Variants in DNAH17 observed in about 807,000 individuals in gnomAD.
DNAH17 encodes the protein dynein axonemal heavy chain 17.
In DNAH17, 376 loss-of-function variants were observed where a neutral mutation model predicts 485.6. The observed-to-expected ratio is 0.77, with a 90% CI of 0.71 to 0.84. The LOEUF is 0.84. Ranked by LOEUF, DNAH17 falls within the 40% of genes least tolerant of loss-of-function variation. The pLI, the probability that DNAH17 is intolerant of heterozygous loss-of-function variation, is 0.00. For synonymous variants in DNAH17, 3,031 were observed against 2,405.9 expected (o/e 1.26, Z -7.60); for missense variants, 6,370 against 5,839.3 (o/e 1.09, Z -2.96).
At chr17:78,446,474 T>C (rs754942664) in intron 69 of DNAH17, among the ~76,000 whole-genome samples, 4 of 152,150 alleles carry the variant, frequency 2.6e-5, no homozygotes, top group Non-Finnish European at 4.4e-5. Context: ...CTGAGGTTCA[T>C]CCATATTGTA....
chr17:78,482,973 C>G (rs2089416561), intron 48 of DNAH17, among the ~76,000 whole-genome samples: 1 of 152,168 alleles, frequency 6.6e-6, no homozygotes, highest in South Asian at 2.1e-4. Context: ...GTGTGCAACC[C>G]TTGGAAGGGG....
At position 78,492,627 on chromosome 17, in the gene DNAH17, C is replaced by T. The variant is rs775752999; in HGVS notation, c.6541+6G>A. The T allele has an allele frequency of 1.3e-5, 21 of 1,613,438 alleles. No individual in the cohort carries two copies. In the African/African-American group the frequency reaches 1.6e-4, roughly 12 times the overall value. ...CTGCAGCCTGTCCCGGGACCACCCT[C>T]GTTACCATCTTTCCATTCCCTGGTC... On this transcript the variant is annotated splice_donor_region_variant and intron_variant, in intron 42 of 80. Transcript: ENST00000389840.
In DNAH17 at chr17:78,526,703, C is replaced by A. The variant is rs61744544; in HGVS notation, c.3659G>T (p.Arg1220Leu). Residue 1220 changes from arginine to leucine, a missense_variant, in exon 24 of 81, where the codon CGC (arginine) becomes CTC (leucine). Coordinates refer to ENST00000389840, the MANE Select transcript of DNAH17 (RefSeq NM_173628.4). ...KQHEFRERFR[R>L]EAPFSFSDPN... ...GTCGCTGAAGGAGAACGGGGCCTCGCGCCTGAACCTCTCCCTGAACTCATG... is the reference window on the plus strand; with the variant it reads ...GTCGCTGAAGGAGAACGGGGCCTCGAGCCTGAACCTCTCCCTGAACTCATG... 1 of 1,610,236 alleles carries A rather than the reference C, an allele frequency of 6.2e-7. No homozygotes were observed. The highest frequency in any genetic ancestry group is 2.2e-5 in the East Asian group (1 of 44,768).
intron 57 of DNAH17, 112 bp from the exon 58 acceptor site, chr17:78,461,820 T>C: frequency 9.5e-7 from 1 of 1,047,164 alleles, no homozygotes; most frequent in East Asian, 2.7e-5. Flanking sequence ...GGCAGGGCCG[T>C]GTCTTACGAC....
Position 78,494,149 on chromosome 17 carries a change from G to C in DNAH17, c.6295C>G (p.Leu2099Val), listed in dbSNP as rs2089975388. The change falls in exon 41 of 81, where the codon CTC becomes GTC. Residue 2099 changes from leucine (L) to valine (V), a missense_variant. Coordinates refer to ENST00000389840, the MANE Select transcript of DNAH17 (RefSeq NM_173628.4). The part of the protein sequence containing the change: ...EKIIKQSIVE[L>V]KLQAEDSFVL... ...AAGCTGTCCTCCGCCTGCAGCTTGA[G>C]CTCCACGATGCTCTGCTTGATGATC... The C allele has an allele frequency of 6.2e-7, 1 of 1,612,276 alleles. No homozygotes were observed. The highest frequency in any genetic ancestry group is 8.5e-7 in the Non-Finnish European group (1 of 1,179,724).
rs1018611564 is a variant in DNAH17 at position 78,439,212 on chromosome 17, T to G, written c.11683A>C (p.Lys3895Gln). 6.2e-7 allele frequency: 1 copy of G among 1,601,724 alleles called. No individual in the cohort carries two copies. Among genetic ancestry groups the G allele is most frequent in the Admixed American group, 1.8e-5 (1 of 56,834 alleles). ...PLKDVEALGKKLGFTIDNGKL... is the reference protein window; with the variant it reads ...PLKDVEALGKQLGFTIDNGKL... ...CCATTGTCTATGGTAAACCCTAGTT[T>G]TTTTCCTAAAGAAAAGAAAAACAGG... The change falls in exon 73 of 81, where the codon AAA becomes CAA. Residue 3895 changes from lysine (K) to glutamine (Q), a missense_variant. Coordinates refer to ENST00000389840, the MANE Select transcript of DNAH17 (RefSeq NM_173628.4).
chr17:78,503,129 G>T, intron 31 of DNAH17, 118 bp from the exon 32 acceptor site: 1 of 1,149,086 alleles, frequency 8.7e-7, no homozygotes, highest in Non-Finnish European at 1.2e-6. Flanking sequence ...CCCAGGGGCA[G>T]ACAGGTCAAG....
At position 78,456,231 on chromosome 17, in the gene DNAH17, G is replaced by A. The variant is rs139748090; in HGVS notation, c.9978-395C>T. ...GGAGAATTGCTTGAACCCGGGAGGC[G>A]GAGGTTGCAGGGAGCCGAGATTGGG... On this transcript the variant is annotated intron_variant, in intron 62 of 80. Transcript: ENST00000389840. Among the ~76,000 whole-genome samples, 769 of 152,278 alleles carry A rather than the reference G, an allele frequency of 5.0e-3. 5 individuals are homozygous for A. Among genetic ancestry groups the A allele is most frequent in the African/African-American group, 0.018 (738 of 41,560 alleles).
At chr17:78,573,496 G>A (rs2092388795) in intron 2 of DNAH17, among the ~76,000 whole-genome samples, 1 of 151,928 alleles carries the variant, frequency 6.6e-6, no homozygotes, top group Non-Finnish European at 1.5e-5. Flanking sequence ...CTATTTGGGA[G>A]GCTGAGGCAA....
intron 71 of DNAH17, 68 bp from the exon 72 acceptor site, chr17:78,441,267 G>C: frequency 6.3e-7 from 1 of 1,575,028 alleles, no homozygotes; most frequent in South Asian, 1.2e-5. Context: ...GCTCGGGGTG[G>C]GCTGTGGCCC....
chr17:78,438,445 G>GGGAGGAGGA (rs1484565594), intron 73 of DNAH17, among the ~76,000 whole-genome samples: 1 of 7,596 alleles, frequency 1.3e-4, no homozygotes, highest in African/African-American at 4.7e-4. Context: ...AGGAGGAGGA[G>GGGAGGAGGA]GGAGGAGGGA....
chr17:78,466,534 G>A (rs1029061530), intron 56 of DNAH17, 121 bp downstream of exon 56: 17 of 888,592 alleles, frequency 1.9e-5, no homozygotes, highest in Middle Eastern at 3.2e-4. Context: ...TTGAGCCCAA[G>A]GCGGACGCCT....
At chr17:78,440,771 C>G (rs2087043508) in intron 72 of DNAH17, among the ~76,000 whole-genome samples, 1 of 152,220 alleles carries the variant, frequency 6.6e-6, no homozygotes, top group Admixed American at 6.5e-5. Context: ...ATTGCTGGCT[C>G]TTGTGCCAAT....
At position 78,564,897 on chromosome 17, in the gene DNAH17, C is replaced by T. The variant is rs150552884; in HGVS notation, c.1569+1717G>A. Among the ~76,000 whole-genome samples the T allele has an allele frequency of 2.0e-3, 299 of 151,838 alleles. 1 individual carries two copies. Among genetic ancestry groups the T allele is most frequent in the African/African-American group, 6.7e-3 (277 of 41,174 alleles). ...TTGAGTGGAAGGAAGGAAGTGAGGA[C>T]CCTGCAACTAGATGCAGCTACCTGG... On this transcript the variant is annotated intron_variant, in intron 11 of 80. Transcript: ENST00000389840.
chr17:78,554,555 G>C (rs2091980019), intron 14 of DNAH17, among the ~76,000 whole-genome samples: 1 of 137,998 alleles, frequency 7.2e-6, no homozygotes, highest in Non-Finnish European at 1.5e-5. Flanking sequence ...TTACAAAACA[G>C]AACAAACAAG....
chr17:78,568,405 A>T (rs991957724), intron 9 of DNAH17, among the ~76,000 whole-genome samples: 2 of 152,192 alleles, frequency 1.3e-5, no homozygotes, highest in Non-Finnish European at 2.9e-5. Flanking sequence ...GTCCACCCTT[A>T]AGTCAATGCT....
chr17:78,500,133 C>A (rs1426761836), intron 36 of DNAH17, 172 bp downstream of exon 36: 3 of 691,628 alleles, frequency 4.3e-6, no homozygotes, highest in Non-Finnish European at 6.9e-6. Flanking sequence ...TCCAGAGGGA[C>A]CACCTGAGGG....
chr17:78,501,160 G>A (rs1357994354), intron 35 of DNAH17, 24 bp downstream of exon 35: 4 of 1,558,370 alleles, frequency 2.6e-6, no homozygotes, highest in South Asian at 1.2e-5. Context: ...GAGCACATGT[G>A]AGTTACTCAG....
chr17:78,443,235 G>A (rs562957031), intron 71 of DNAH17, among the ~76,000 whole-genome samples: 90 of 152,204 alleles, frequency 5.9e-4, no homozygotes, highest in Non-Finnish European at 1.0e-3. Flanking sequence ...GGAATCGGAT[G>A]CACACTGGGT....
Sources: allele counts gnomAD v4.1 joint callset (sites outside exome capture counted in the v4.1 genomes callset), GRCh38; gene constraint gnomAD v4.1.1; transcripts MANE v1.5; gene names NCBI Gene and HGNC (gene_info 2026-07-23, HGNC 2026-07-21).